The following PDCD7 variants were observed in gnomAD, a reference collection of about 807,000 sequenced individuals.
The protein encoded by PDCD7 is programmed cell death protein 7.
Under a neutral mutation model 42.1 loss-of-function variants are expected in PDCD7, and 40 were observed. The observed-to-expected ratio is 0.95, with a 90% CI of 0.74 to 1.24. The LOEUF (loss-of-function observed/expected upper bound fraction) is 1.24, where lower values mean the gene tolerates loss of function less well. Ranked by LOEUF, PDCD7 falls within the 50% of genes most tolerant of loss-of-function variation. The probability of loss-of-function intolerance (pLI) is 0.00; values close to 1 mark genes in which losing one functional copy is unlikely to be tolerated. For synonymous variants in PDCD7, 299 were observed against 303.3 expected (o/e 0.99, Z 0.15); for missense variants, 644 against 662.8 (o/e 0.97, Z 0.31).
rs1027716700 is a variant in PDCD7 at position 65,119,699 on chromosome 15, T to C, written c.1246+19A>G. 1.3e-6 allele frequency: 2 copies of C among 1,596,034 alleles called. No homozygotes were observed. The highest frequency in any genetic ancestry group is 1.8e-5 in the Admixed American group (1 of 56,180). On this transcript the variant is annotated intron_variant, in intron 3 of 4. Coordinates refer to ENST00000204549, the MANE Select transcript of PDCD7 (RefSeq NM_005707.2). ...AATCTAGTATTTTCATTTTCTCCAC[T>C]GGTTATAGAGCAACATACCTGGATC...
At chr15:65,123,468 G>C (rs1410047021) in intron 2 of PDCD7, among the ~76,000 whole-genome samples, 8 of 152,210 alleles carry the variant, frequency 5.3e-5, no homozygotes, top group Admixed American at 2.0e-4. Context: ...TTACAGGCAT[G>C]AGCCACCATG....
At position 65,118,749 on chromosome 15, in the gene PDCD7, C is replaced by T. The variant is rs945024622; in HGVS notation, c.1426G>A (p.Asp476Asn). 9 of 1,608,546 alleles carry T rather than the reference C, an allele frequency of 5.6e-6. No homozygotes were observed. The highest frequency in any genetic ancestry group is 4.5e-5 in the East Asian group (2 of 44,478). ...AGCTTAACAGCAGTTGCCCAGATGT[C>T]GTTGCTGGGGAGCGGGGGAAGGACC... Reference protein sequence around the residue: ...GWVLPPLPSNDIWATAVKLH With the variant: ...GWVLPPLPSNNIWATAVKLH The change falls in exon 5 of 5, where the codon GAC becomes AAC. Residue 476 changes from aspartate to asparagine, a missense_variant. Coordinates refer to ENST00000204549, the MANE Select transcript of PDCD7 (RefSeq NM_005707.2).
In PDCD7 at chr15:65,119,381, C is replaced by A. The variant is rs1251429790; in HGVS notation, c.1329G>T (p.Gln443His). ...QAEHSLPALI[Q>H]IRHDWDQYLV... ...GGAGAGCCAGCCCCTCTGACCTGAT[C>A]TGGATGAGCGCTGGCAGGGAGTGCT... Residue 443 changes from glutamine to histidine, a missense_variant, in exon 4 of 5, where the codon CAG becomes CAT. Physicochemically the swap from Gln to His is conservative, Grantham distance 24. Coordinates refer to ENST00000204549, the MANE Select transcript of PDCD7 (RefSeq NM_005707.2). The A allele has an allele frequency of 6.2e-7, 1 of 1,612,472 alleles. No homozygotes were observed. The highest frequency in any genetic ancestry group is 1.3e-5 in the African/African-American group (1 of 74,864).
chr15:65,123,130 C>T (rs1566971856), intron 2 of PDCD7, among the ~76,000 whole-genome samples: 1 of 152,170 alleles, frequency 6.6e-6, no homozygotes, highest in Non-Finnish European at 1.5e-5. Context: ...AAACACTTGA[C>T]ACAGAGAAGG....
At chr15:65,124,192 C>T (rs1030878330) in intron 2 of PDCD7, among the ~76,000 whole-genome samples, 2 of 152,070 alleles carry the variant, frequency 1.3e-5, no homozygotes, top group African/African-American at 4.8e-5. Flanking sequence ...GAGGCTGAGG[C>T]GGGTAGATTA....
intron 1 of PDCD7, among the ~76,000 whole-genome samples, chr15:65,130,776 G>A (rs903750725): frequency 7.2e-5 from 11 of 151,972 alleles, no homozygotes; most frequent in African/African-American, 2.4e-4. Flanking sequence ...CTGGGAGGCA[G>A]AGGTTGCAGC....
In PDCD7 at chr15:65,119,384, G is replaced by C; in HGVS notation, c.1326C>G (p.Ile442Met). Residue 442 changes from isoleucine (I) to methionine (M), a missense_variant, in exon 4 of 5, where the codon ATC becomes ATG. By Grantham distance (10) the Ile-to-Met change is conservative (BLOSUM62 1). Transcript: ENST00000204549. ...LQAEHSLPAL[I>M]QIRHDWDQYL... ...GAGCCAGCCCCTCTGACCTGATCTGGATGAGCGCTGGCAGGGAGTGCTCGG... is the reference window on the plus strand; with the variant it reads ...GAGCCAGCCCCTCTGACCTGATCTGCATGAGCGCTGGCAGGGAGTGCTCGG... 6.2e-7 allele frequency: 1 copy of C among 1,612,850 alleles called. No homozygotes were observed. The highest frequency in any genetic ancestry group is 1.1e-5 in the South Asian group (1 of 90,982).
At chr15:65,122,074 C>A (rs2087459692) in intron 2 of PDCD7, among the ~76,000 whole-genome samples, 1 of 152,152 alleles carries the variant, frequency 6.6e-6, no homozygotes, top group African/African-American at 2.4e-5. Flanking sequence ...GTGGCTCACA[C>A]CTGTAAACCT....
rs1473840991 is a variant in PDCD7, at chr15:65,119,973, A to C, written c.1010-19T>G. 1.8e-5 allele frequency: 29 copies of C among 1,587,490 alleles called. No individual in the cohort carries two copies. The highest frequency in any genetic ancestry group is 2.4e-5 in the Non-Finnish European group (28 of 1,172,168). ...CAGACCCCTGGGCAGACAGGACAAA[A>C]TGGCATTTTATTTATTTTTTTTTTT... On this transcript the variant is annotated intron_variant, in intron 2 of 4. Coordinates refer to ENST00000204549, the MANE Select transcript of PDCD7 (RefSeq NM_005707.2).
chr15:65,133,110 C>A lies in PDCD7; in HGVS notation c.672G>T (p.Gln224His). The change falls in exon 1 of 5, where the codon CAG becomes CAT. Residue 224 changes from glutamine to histidine, a missense_variant. Physicochemically the swap from Gln to His is conservative, Grantham distance 24. Coordinates refer to ENST00000204549, the MANE Select transcript of PDCD7 (RefSeq NM_005707.2). ...CCACATAGGCAGCCTGGGTCAACGG[C>A]TGTAGCCGCTCGGCCAGTTCCGCGC... is the stretch of plus-strand genomic sequence containing the variant. ...PLRAELAERL[Q>H]PLTQAAYVGE... 6.5e-7 allele frequency: 1 copy of A among 1,550,210 alleles called. No individual in the cohort carries two copies. The highest frequency in any genetic ancestry group is 8.7e-7 in the Non-Finnish European group (1 of 1,154,992).
intron 2 of PDCD7, 58 bp from the exon 3 acceptor site, chr15:65,120,012 G>A (rs79084686): frequency 0.011 from 16,382 of 1,538,048 alleles, 183 homozygotes; most frequent in African/African-American, 0.053. Context: ...ACAAGGCCTC[G>A]CTCTAACACC....
At position 65,119,956 on chromosome 15, in the gene PDCD7, T is replaced by G. The variant is rs1342609994; in HGVS notation, c.1010-2A>C. On this transcript the variant is annotated splice_acceptor_variant, in intron 2 of 4. Coordinates refer to ENST00000204549, the MANE Select transcript of PDCD7 (RefSeq NM_005707.2). LOFTEE classifies it high-confidence loss of function. The stretch of plus-strand genomic sequence containing the variant: ...CTGCTGAGGCTGGAGGACAGACCCC[T>G]GGGCAGACAGGACAAAATGGCATTT... 1 of 1,594,846 alleles carries G rather than the reference T, an allele frequency of 6.3e-7. No homozygotes were observed. Among genetic ancestry groups the G allele is most frequent in the Non-Finnish European group, 8.5e-7 (1 of 1,174,970 alleles).
At chr15:65,132,888 C>T in intron 1 of PDCD7, 24 bp downstream of exon 1, 2 of 1,600,518 alleles carry the variant, frequency 1.2e-6, no homozygotes, top group South Asian at 1.1e-5. Context: ...CACTCCTACC[C>T]CCATGAGCGG....
intron 2 of PDCD7, among the ~76,000 whole-genome samples, chr15:65,126,941 G>C (rs912696187): frequency 1.3e-5 from 2 of 151,904 alleles, no homozygotes; most frequent in Admixed American, 1.3e-4. Flanking sequence ...TCTTTGACTT[G>C]AGAATTATTC....
At chr15:65,131,091 G>C (rs1052741500) in intron 1 of PDCD7, among the ~76,000 whole-genome samples, 1 of 152,132 alleles carries the variant, frequency 6.6e-6, no homozygotes, top group African/African-American at 2.4e-5. Flanking sequence ...AGGCAGGCGA[G>C]CAAGTGAAGC....
chr15:65,124,425 CAAAA>C (rs532726090), intron 2 of PDCD7, among the ~76,000 whole-genome samples: 1 of 132,354 alleles, frequency 7.6e-6, no homozygotes, highest in Non-Finnish European at 1.6e-5. Flanking sequence ...AACTCCGTCT[CAAAA>C]AAAAAAAAGA....
chr15:65,128,270 G>T (rs1394885372), intron 2 of PDCD7, among the ~76,000 whole-genome samples: 1 of 152,200 alleles, frequency 6.6e-6, no homozygotes, highest in Admixed American at 6.5e-5. Context: ...GAAGCAACAG[G>T]AGGTTACCTC....
chr15:65,118,812 A>G lies in PDCD7; in HGVS notation c.1363T>C (p.Ser455Pro). 1 of 1,610,556 alleles carries G rather than the reference A, an allele frequency of 6.2e-7. No individual in the cohort carries two copies. Among genetic ancestry groups the G allele is most frequent in the Non-Finnish European group, 8.5e-7 (1 of 1,178,498 alleles). The change falls in exon 5 of 5, where the codon TCC becomes CCC. Residue 455 changes from serine (S) to proline (P), a missense_variant. Physicochemically the swap from Ser to Pro is moderately conservative, Grantham distance 74 (BLOSUM62 -1). Transcript: ENST00000204549. ...RHDWDQYLVPSDHPKGNFVPQ... is the reference protein window; with the variant it reads ...RHDWDQYLVPPDHPKGNFVPQ... ...ACGAAGTTGCCTTTGGGATGATCGG[A>G]TGGCACCAGGTACTGATCCCAATCA...
chr15:65,133,725 C>T lies in PDCD7; in HGVS notation c.57G>A (p.Pro19=). 3 of 1,311,704 alleles carry T rather than the reference C, an allele frequency of 2.3e-6. No individual in the cohort carries two copies. The highest frequency in any genetic ancestry group is 2.4e-5 in the South Asian group (1 of 41,930). 81.3% of individuals were successfully genotyped at this position (1,311,704 alleles called of 1,614,324 possible). The part of the protein sequence containing the change: ...QGRPGPPPPQ[P]PPPAPFGCPP... ...GACAGCCGAAAGGAGCAGGAGGCGG[C>T]GGCTGCGGGGGCGGTGGGCCTGGGC... The change falls in exon 1 of 5, where the codon CCG becomes CCA. Residue 19 remains proline (P), a synonymous_variant. Transcript: ENST00000204549.
Sources: allele counts gnomAD v4.1 joint callset (sites outside exome capture counted in the v4.1 genomes callset), GRCh38; gene constraint gnomAD v4.1.1; transcripts MANE v1.5; gene names NCBI Gene and HGNC (gene_info 2026-07-23, HGNC 2026-07-21).